Variants in KLHL2 observed in about 807,000 individuals in gnomAD.
KLHL2 encodes the protein kelch-like protein 2.
Under a neutral mutation model 75.8 loss-of-function variants are expected in KLHL2, and 15 were observed. The ratio of observed to expected loss-of-function variants is 0.20; its 90% CI spans 0.13 to 0.30. KLHL2 has a LOEUF of 0.30. KLHL2 is among the 10% of genes least tolerant of loss of function. The pLI, the probability that KLHL2 is intolerant of heterozygous loss-of-function variation, is 1.00. For missense variants in KLHL2, 381 were observed against 741.0 expected (o/e 0.51, Z 5.64); for synonymous variants, 214 against 251.9 (o/e 0.85, Z 1.42).
At chr4:165,269,204 T>A (rs1742483174) in intron 5 of KLHL2, among the ~76,000 whole-genome samples, 1 of 152,196 alleles carries the variant, frequency 6.6e-6, no homozygotes, top group South Asian at 2.1e-4. Context: ...CCTGTGTGTG[T>A]CTTTGCATGT....
At chr4:165,290,206 G>A (rs1267591847) in intron 5 of KLHL2, among the ~76,000 whole-genome samples, 2 of 151,626 alleles carry the variant, frequency 1.3e-5, no homozygotes, top group Admixed American at 6.6e-5. Flanking sequence ...ATAGTGGCAC[G>A]ATCATGGCTC....
chr4:165,281,385 G>A (rs10009579), intron 5 of KLHL2, among the ~76,000 whole-genome samples: 6,250 of 149,070 alleles, frequency 0.042, 284 homozygotes, highest in African/African-American at 0.11. Flanking sequence ...GTGCGATCTC[G>A]GCTCACTGTG....
intron 4 of KLHL2, 127 bp from the exon 5 acceptor site, chr4:165,263,070 A>T (rs868239437): frequency 1.5e-6 from 1 of 653,192 alleles, no homozygotes; most frequent in African/African-American, 1.8e-5. Flanking sequence ...TTTGTTTTCT[A>T]GGGAATATGG....
intron 4 of KLHL2, chr4:165,252,466 C>T (rs1329222161): frequency 1.3e-5 from 2 of 152,106 alleles, no homozygotes; most frequent in African/African-American, 2.4e-5. Flanking sequence ...ACCTCTTGGA[C>T]CTTAATGTCT....
intron 5 of KLHL2, among the ~76,000 whole-genome samples, chr4:165,284,869 C>G (rs1352409584): frequency 6.6e-6 from 1 of 152,180 alleles, no homozygotes; most frequent in African/African-American, 2.4e-5. Context: ...TAAGGAGAAG[C>G]AAGTCACATC....
chr4:165,310,151 C>T (rs1302762697), intron 9 of KLHL2, among the ~76,000 whole-genome samples: 5 of 152,042 alleles, frequency 3.3e-5, no homozygotes, highest in African/African-American at 7.2e-5. Context: ...CAGTGAAACC[C>T]CATCTCTACT....
At chr4:165,221,178 T>C (rs1205972012) in intron 2 of KLHL2, among the ~76,000 whole-genome samples, 1 of 152,218 alleles carries the variant, frequency 6.6e-6, no homozygotes, top group Non-Finnish European at 1.5e-5. Context: ...AGAACAAATA[T>C]GGTTGCCACC....
At chr4:165,241,983 T>C (rs1285034527) in intron 4 of KLHL2, among the ~76,000 whole-genome samples, 2 of 152,194 alleles carry the variant, frequency 1.3e-5, no homozygotes, top group African/African-American at 2.4e-5. Context: ...CCTAGCTTTT[T>C]GTGTGTTTGT....
intron 5 of KLHL2, among the ~76,000 whole-genome samples, chr4:165,275,778 TG>T (rs1334018160): frequency 2.6e-5 from 4 of 152,190 alleles, no homozygotes; most frequent in Admixed American, 2.6e-4. Context: ...GCTGAAATTC[TG>T]GGCTTGGTAA....
chr4:165,295,697 G>C (rs1744856412), intron 6 of KLHL2, among the ~76,000 whole-genome samples: 1 of 152,200 alleles, frequency 6.6e-6, no homozygotes, highest in East Asian at 1.9e-4. Flanking sequence ...CAGAGAAATA[G>C]GGATGGGTGG....
chr4:165,249,575 C>T (rs914743290), intron 4 of KLHL2, among the ~76,000 whole-genome samples: 2 of 152,160 alleles, frequency 1.3e-5, no homozygotes, highest in African/African-American at 2.4e-5. Context: ...CCAATGTCTC[C>T]TTACCTTTCA....
At chr4:165,300,194 C>T (rs1745240679) in intron 8 of KLHL2, among the ~76,000 whole-genome samples, 1 of 151,276 alleles carries the variant, frequency 6.6e-6, no homozygotes, top group East Asian at 2.0e-4. Context: ...GAGGCTGAGG[C>T]AGAGAATCAC....
intron 10 of KLHL2, 111 bp downstream of exon 10, chr4:165,310,861 T>A: frequency 1.2e-6 from 1 of 856,364 alleles, no homozygotes; most frequent in Non-Finnish European, 1.8e-6. Flanking sequence ...TTGTGTTTTT[T>A]TTTTTTTTTT....
intron 3 of KLHL2, among the ~76,000 whole-genome samples, chr4:165,233,895 G>C (rs1739115330): frequency 6.6e-6 from 1 of 152,178 alleles, no homozygotes; most frequent in Non-Finnish European, 1.5e-5. Context: ...AAAGCAGGCT[G>C]GGCACCAGAC....
intron 5 of KLHL2, among the ~76,000 whole-genome samples, chr4:165,283,191 C>T (rs955442411): frequency 6.6e-6 from 1 of 152,116 alleles, no homozygotes; most frequent in African/African-American, 2.4e-5. Flanking sequence ...TATATCATTC[C>T]ACCTCTGGCC....
At chr4:165,225,963 T>C (rs1024073805) in intron 2 of KLHL2, among the ~76,000 whole-genome samples, 1 of 152,208 alleles carries the variant, frequency 6.6e-6, no homozygotes, top group African/African-American at 2.4e-5. Flanking sequence ...ATTATGTAAG[T>C]GACAGCCAGC....
At chr4:165,284,756 T>A (rs1743958728) in intron 5 of KLHL2, among the ~76,000 whole-genome samples, 1 of 152,194 alleles carries the variant, frequency 6.6e-6, no homozygotes, top group Admixed American at 6.5e-5. Flanking sequence ...ATTTTCACAC[T>A]GCTGATAAAG....
chr4:165,284,208 G>A (rs1743913210), intron 5 of KLHL2, among the ~76,000 whole-genome samples: 1 of 152,190 alleles, frequency 6.6e-6, no homozygotes, highest in Non-Finnish European at 1.5e-5. Flanking sequence ...GCAAATTTCT[G>A]CAGCTGTCTT....
intron 12 of KLHL2, among the ~76,000 whole-genome samples, chr4:165,313,705 T>A (rs1202602307): frequency 6.6e-6 from 1 of 152,180 alleles, no homozygotes; most frequent in East Asian, 1.9e-4. Context: ...TGCTTTAATA[T>A]GCGGTTATTT....
Sources: allele counts gnomAD v4.1 joint callset (sites outside exome capture counted in the v4.1 genomes callset), GRCh38; gene constraint gnomAD v4.1.1; transcripts MANE v1.5; gene names NCBI Gene and HGNC (gene_info 2026-07-23, HGNC 2026-07-21).